FAAH2: variants seen among roughly 807,000 people sequenced by gnomAD.
The protein encoded by FAAH2 is fatty-acid amide hydrolase 2.
FAAH2 carries 60 observed loss-of-function variants against 36.9 expected under a neutral mutation model. The ratio of observed to expected loss-of-function variants is 1.63; its 90% CI spans 1.32 to 2.02. The LOEUF (loss-of-function observed/expected upper bound fraction) is 2.02. Among genes scored for constraint, FAAH2 ranks in the 30% most tolerant of loss-of-function variants. The pLI, the probability that FAAH2 is intolerant of heterozygous loss-of-function variation, is 0.00. For missense variants in FAAH2, 689 were observed against 397.5 expected, an observed-to-expected ratio of 1.73 and a Z score of -6.23; for synonymous variants, 214 against 143.8, an observed-to-expected ratio of 1.49 and a Z score of -3.49.
the FAAH2 span, among the ~76,000 whole-genome samples, chrX:57,191,257 T>C: frequency 8.9e-6 from 1 of 112,337 alleles, no homozygotes; most frequent in South Asian, 3.7e-4. Context: ...TGACATCTTT[T>C]CATATGCCTG....
chrX:57,234,416 A>G, the FAAH2 span, among the ~76,000 whole-genome samples: 1 of 111,846 alleles, frequency 8.9e-6, no homozygotes, highest in African/African-American at 3.2e-5. Flanking sequence ...CTTTAAATGT[A>G]AATAAGTTAG....
chrX:57,286,886 AT>A lies in FAAH2; in HGVS notation c.62del (p.Ile21LysfsTer3), dbSNP rs780404841. On this transcript the variant is annotated frameshift_variant, in exon 1 of 11. Coordinates refer to ENST00000374900, the MANE Select transcript of FAAH2 (RefSeq NM_174912.4). LOFTEE classifies it high-confidence loss of function. ...CCTCTTGCGGGCGCTAGGCTTTCTCATAGGCTTAGTAGGCCGAGCAGCTTTA... is the reference window on the plus strand; with the variant it reads ...CCTCTTGCGGGCGCTAGGCTTTCTCAAGGCTTAGTAGGCCGAGCAGCTTTA... The part of the protein sequence containing the change: ...LFLLRALGFL[I>X]GLVGRAALVL... 10 of 1,200,174 alleles carry A rather than the reference AT, an allele frequency of 8.3e-6. No homozygotes were observed. Among genetic ancestry groups the A allele is most frequent in the Non-Finnish European group, 1.1e-5 (10 of 890,634 alleles).
chrX:57,213,083 G>C, the FAAH2 span, among the ~76,000 whole-genome samples: 1 of 111,164 alleles, frequency 9.0e-6, no homozygotes. Context: ...TCCAGGAATT[G>C]ATAAATTTCT....
At chrX:57,208,099 G>A in the FAAH2 span, among the ~76,000 whole-genome samples, 3 of 112,743 alleles carry the variant, frequency 2.7e-5, no homozygotes, top group African/African-American at 6.4e-5. Context: ...TGCCTGAATA[G>A]AACTGAGAGC....
At chrX:57,322,694 T>TA (rs1379479972) in intron 3 of FAAH2, among the ~76,000 whole-genome samples, 1 of 111,832 alleles carries the variant, frequency 8.9e-6, no homozygotes, top group African/African-American at 3.2e-5. Context: ...TTTTGTTCAT[T>TA]AAAAAATTCT....
chrX:57,250,721 T>C, the FAAH2 span, among the ~76,000 whole-genome samples: 33 of 108,684 alleles, frequency 3.0e-4, no homozygotes, highest in African/African-American at 1.1e-3. Flanking sequence ...ACTAGTTGAG[T>C]ATGAACAATT....
chrX:57,128,395 G>A, the FAAH2 span, among the ~76,000 whole-genome samples: 1 of 111,638 alleles, frequency 9.0e-6, no homozygotes, highest in South Asian at 3.7e-4. Context: ...AGAAATGATA[G>A]CAATGAGGAC....
At chrX:57,159,132 C>G in the FAAH2 span, among the ~76,000 whole-genome samples, 1 of 111,907 alleles carries the variant, frequency 8.9e-6, no homozygotes, top group Non-Finnish European at 1.9e-5. Flanking sequence ...TCAGGTTTGT[C>G]AAAGATCAGA....
chrX:57,165,625 G>A, the FAAH2 span, among the ~76,000 whole-genome samples: 9 of 110,772 alleles, frequency 8.1e-5, no homozygotes, highest in Admixed American at 8.7e-4. Context: ...CACCAGCATG[G>A]CACATGTATA....
At chrX:57,162,258 G>A in the FAAH2 span, among the ~76,000 whole-genome samples, 1 of 111,677 alleles carries the variant, frequency 9.0e-6, no homozygotes, top group Non-Finnish European at 1.9e-5. Context: ...TTCCCTTTGA[G>A]GGTAACCCAA....
the FAAH2 span, among the ~76,000 whole-genome samples, chrX:57,218,682 T>C: frequency 2.7e-5 from 3 of 111,201 alleles, no homozygotes; most frequent in Non-Finnish European, 5.7e-5. Context: ...TGTTCTCTCC[T>C]GGTTTTGGTA....
rs185409066 is a variant in FAAH2 at position 57,350,922 on chromosome X, G to T, written c.742+9532G>T. 4.4e-3 allele frequency among the ~76,000 whole-genome samples: 489 copies of T among 111,218 alleles called. 1 individual carries two copies. The highest frequency in any genetic ancestry group is 7.9e-3 in the Non-Finnish European group (413 of 52,609). On this transcript the variant is annotated intron_variant, in intron 5 of 10. Transcript: ENST00000374900. ...ATTTAATTCTCCACTCACAATATTAGGCAGATTGTCAAGACAAAAATTCAA... is the reference window on the plus strand; with the variant it reads ...ATTTAATTCTCCACTCACAATATTATGCAGATTGTCAAGACAAAAATTCAA...
In FAAH2 at chrX:57,475,986, T is replaced by A. The variant is rs2057259385; in HGVS notation, c.1424-12771T>A. ...AATGGGAGTTCAATCATGATTTGGC[T>A]GTCTGCTTGTCTATTGTTTGTGTAT... is the stretch of plus-strand genomic sequence containing the variant. On this transcript the variant is annotated intron_variant, in intron 10 of 10. Transcript: ENST00000374900. Among the ~76,000 whole-genome samples the A allele has an allele frequency of 2.7e-5, 3 of 111,519 alleles. No individual in the cohort carries two copies. The South Asian group carries it at 1.1e-3, about 41-fold the overall frequency.
At chrX:57,376,644 C>T (rs749642881) in intron 5 of FAAH2, among the ~76,000 whole-genome samples, 97 of 111,440 alleles carry the variant, frequency 8.7e-4, no homozygotes, top group African/African-American at 3.0e-3. Flanking sequence ...TAGTAGAATG[C>T]GTTATAATTC....
At chrX:57,438,486 T>C (rs1430926767) in intron 8 of FAAH2, among the ~76,000 whole-genome samples, 1 of 109,930 alleles carries the variant, frequency 9.1e-6, no homozygotes, top group Non-Finnish European at 1.9e-5. Flanking sequence ...TGGAAAAATA[T>C]AAACAAAATT....
chrX:57,398,869 C>T (rs2055365489), intron 7 of FAAH2, among the ~76,000 whole-genome samples: 1 of 111,634 alleles, frequency 9.0e-6, no homozygotes, highest in Non-Finnish European at 1.9e-5. Context: ...GGAAATCCAG[C>T]TAGTCCTGTC....
intron 4 of FAAH2, among the ~76,000 whole-genome samples, chrX:57,337,622 C>A (rs934950016): frequency 8.9e-6 from 1 of 111,951 alleles, no homozygotes; most frequent in Admixed American, 9.5e-5. Flanking sequence ...CAATAAATGT[C>A]ATTTGTTGCA....
chrX:57,153,453 T>C, the FAAH2 span, among the ~76,000 whole-genome samples: 1 of 112,054 alleles, frequency 8.9e-6, no homozygotes, highest in Admixed American at 9.5e-5. Flanking sequence ...TTTAATTTTA[T>C]GGGTTCTGTG....
chrX:57,215,520 G>T, the FAAH2 span, among the ~76,000 whole-genome samples: 3 of 111,716 alleles, frequency 2.7e-5, no homozygotes, highest in Non-Finnish European at 5.6e-5. Context: ...GCACACATAT[G>T]TTTACTGCAG....
Sources: allele counts gnomAD v4.1 joint callset (sites outside exome capture counted in the v4.1 genomes callset), GRCh38; gene constraint gnomAD v4.1.1; transcripts MANE v1.5; gene names NCBI Gene and HGNC (gene_info 2026-07-23, HGNC 2026-07-21).